Variants in GALNT13 observed in about 807,000 individuals in gnomAD.
GALNT13 encodes polypeptide N-acetylgalactosaminyltransferase 13, also known as UDP-GalNAc:polypeptide N-acetylgalactosaminyltransferase 13.
Under a neutral mutation model 64.2 loss-of-function variants are expected in GALNT13, and 28 were observed. That is an observed-to-expected ratio of 0.44 (90% confidence interval 0.32 to 0.60). GALNT13 has a LOEUF of 0.60. Among genes scored for constraint, GALNT13 ranks in the 20% least tolerant of loss-of-function variants. The probability of loss-of-function intolerance (pLI) is 0.05; values close to 1 mark genes in which losing one functional copy is unlikely to be tolerated. For synonymous variants in GALNT13, 214 were observed against 224.6 expected (o/e 0.95, Z 0.42); for missense variants, 577 against 669.8 (o/e 0.86, Z 1.53).
intron 3 of GALNT13, among the ~76,000 whole-genome samples, chr2:153,991,292 G>C (rs1695142008): frequency 6.6e-6 from 1 of 152,138 alleles, no homozygotes; most frequent in Non-Finnish European, 1.5e-5. Context: ...GCTGACACCT[G>C]GTCAAATCGA....
At chr2:154,018,668 G>T (rs1017607495) in intron 3 of GALNT13, among the ~76,000 whole-genome samples, 13 of 151,678 alleles carry the variant, frequency 8.6e-5, no homozygotes, top group African/African-American at 2.7e-4. Context: ...GATGAAGAGG[G>T]TGAGGGGCTG....
At chr2:153,698,719 A>T in the GALNT13 span, among the ~76,000 whole-genome samples, 1 of 152,214 alleles carries the variant, frequency 6.6e-6, no homozygotes, top group Admixed American at 6.5e-5. Flanking sequence ...ACTTGAACTC[A>T]GCTCTGGATC....
chr2:153,473,440 G>T, the GALNT13 span, among the ~76,000 whole-genome samples: 1 of 152,044 alleles, frequency 6.6e-6, no homozygotes, highest in African/African-American at 2.4e-5. Context: ...AAAATATCAG[G>T]AAATGAGAAC....
chr2:153,314,826 G>T, the GALNT13 span, among the ~76,000 whole-genome samples: 1 of 151,188 alleles, frequency 6.6e-6, no homozygotes, highest in Non-Finnish European at 1.5e-5. Flanking sequence ...AAAAAATAAG[G>T]TCTTGTCAGT....
At chr2:154,286,333 G>A (rs937582929) in intron 8 of GALNT13, among the ~76,000 whole-genome samples, 2 of 152,070 alleles carry the variant, frequency 1.3e-5, no homozygotes, top group African/African-American at 2.4e-5. Context: ...GGCTTTTATT[G>A]TATTGGGGTA....
the GALNT13 span, among the ~76,000 whole-genome samples, chr2:153,169,241 C>T: frequency 2.6e-5 from 4 of 152,062 alleles, no homozygotes; most frequent in African/African-American, 4.8e-5. Flanking sequence ...GGACAGAATT[C>T]GTAATTAATT....
chr2:154,046,220 G>T (rs1362605337), intron 3 of GALNT13, among the ~76,000 whole-genome samples: 3 of 152,148 alleles, frequency 2.0e-5, no homozygotes, highest in Admixed American at 1.3e-4. Flanking sequence ...AGCTACTTGG[G>T]AGGCTGAAGC....
At chr2:153,373,252 G>A in the GALNT13 span, among the ~76,000 whole-genome samples, 59 of 151,752 alleles carry the variant, frequency 3.9e-4, no homozygotes, top group African/African-American at 1.4e-3. Flanking sequence ...AAGAAAGTTG[G>A]GCCAGTAAGT....
chr2:153,254,260 G>C, the GALNT13 span, among the ~76,000 whole-genome samples: 1,905 of 152,152 alleles, frequency 0.013, 16 homozygotes, highest in Non-Finnish European at 0.02. Flanking sequence ...TTGCGTAGAG[G>C]TATTTGTAGT....
the GALNT13 span, among the ~76,000 whole-genome samples, chr2:153,195,818 C>T: frequency 1.3e-5 from 2 of 152,290 alleles, no homozygotes; most frequent in East Asian, 1.9e-4. Context: ...GTGAGCAAGA[C>T]AAAGAGGAGC....
chr2:153,283,405 A>G, the GALNT13 span, among the ~76,000 whole-genome samples: 1 of 152,136 alleles, frequency 6.6e-6, no homozygotes, highest in Non-Finnish European at 1.5e-5. Flanking sequence ...GCACTATAAT[A>G]TGCACAGAAA....
At chr2:153,744,281 T>G in the GALNT13 span, among the ~76,000 whole-genome samples, 29 of 152,150 alleles carry the variant, frequency 1.9e-4, no homozygotes, top group Non-Finnish European at 4.0e-4. Context: ...TTGTACTAAT[T>G]TACCTTCCTA....
rs1278374943 is a variant in GALNT13, at chr2:154,451,682, T to TACATTC, written c.*1137_*1142dup. Reference sequence around the variant, plus strand: ...CCAAGGAATATAGTTATAATCAGGCTACATTCACATTTTCTTTTCTCATCT... The same window carrying TACATTC: ...CCAAGGAATATAGTTATAATCAGGCTACATTCACATTCACATTTTCTTTTCTCATCT... On this transcript the variant is annotated 3_prime_UTR_variant, in exon 13 of 13. Coordinates refer to ENST00000392825, the MANE Select transcript of GALNT13 (RefSeq NM_052917.4). The TACATTC allele has an allele frequency of 4.6e-5, 7 of 152,152 alleles. No individual in the cohort carries two copies. Among genetic ancestry groups the TACATTC allele is most frequent in the Non-Finnish European group, 1.0e-4 (7 of 68,022 alleles). 9.4% of individuals were successfully genotyped at this position (152,152 alleles called of 1,614,324 possible).
chr2:154,078,506 G>T (rs143817252), intron 3 of GALNT13, among the ~76,000 whole-genome samples: 5 of 151,584 alleles, frequency 3.3e-5, no homozygotes, highest in African/African-American at 4.8e-5. Flanking sequence ...TTGGAAGAAG[G>T]TTCTTTCTTC....
intron 9 of GALNT13, among the ~76,000 whole-genome samples, chr2:154,365,848 ATG>A (rs1187605248): frequency 1.2e-4 from 18 of 152,322 alleles, no homozygotes; most frequent in African/African-American, 4.3e-4. Context: ...AATTTTCTGA[ATG>A]ATGTCTTCAA....
At chr2:154,350,779 G>A (rs1241368207) in intron 9 of GALNT13, among the ~76,000 whole-genome samples, 2 of 152,166 alleles carry the variant, frequency 1.3e-5, no homozygotes, top group Non-Finnish European at 2.9e-5. Flanking sequence ...ATGAGGGTGA[G>A]CAGAGGGCAA....
the GALNT13 span, among the ~76,000 whole-genome samples, chr2:153,485,758 G>T: frequency 1.3e-5 from 2 of 152,026 alleles, no homozygotes; most frequent in East Asian, 3.9e-4. Context: ...GCTTTAGCCG[G>T]GCATGGTGGT....
intron 3 of GALNT13, among the ~76,000 whole-genome samples, chr2:153,963,711 GTCTCTC>G (rs71396373): frequency 1.6e-5 from 2 of 127,126 alleles, no homozygotes; most frequent in Non-Finnish European, 3.3e-5. Flanking sequence ...CTGTCTCTCC[GTCTCTC>G]TCTCTCTCTC....
chr2:153,235,895 G>A, the GALNT13 span, among the ~76,000 whole-genome samples: 1 of 152,188 alleles, frequency 6.6e-6, no homozygotes, highest in Non-Finnish European at 1.5e-5. Context: ...CATGTTCAAA[G>A]CTGAGATAGA....
Sources: gnomAD v4.1 joint callset for allele counts (sites outside exome capture counted in the v4.1 genomes callset) on GRCh38, gnomAD v4.1.1 for gene constraint, MANE v1.5 for transcripts, NCBI Gene and HGNC (gene_info 2026-07-23, HGNC 2026-07-21) for gene names.